ZNF521: variants seen among roughly 807,000 people sequenced by gnomAD.
ZNF521 encodes the protein zinc finger protein 521.
Under a neutral mutation model 105.5 loss-of-function variants are expected in ZNF521, and 14 were observed. The observed-to-expected ratio is 0.13, with a 90% CI of 0.09 to 0.21. ZNF521 has a LOEUF of 0.21. Ranked by LOEUF, ZNF521 falls within the 10% of genes least tolerant of loss-of-function variation. ZNF521 has a pLI of 1.00. For synonymous variants in ZNF521, 635 were observed against 606.0 expected, an observed-to-expected ratio of 1.05 and a Z score of -0.70; for missense variants, 1,233 against 1,629.7, an observed-to-expected ratio of 0.76 and a Z score of 4.19.
At chr18:25,191,569 TG>T (rs2035819258) in intron 5 of ZNF521, among the ~76,000 whole-genome samples, 1 of 152,198 alleles carries the variant, frequency 6.6e-6, no homozygotes, top group Non-Finnish European at 1.5e-5. Flanking sequence ...ACCTCCATAG[TG>T]ATCGAAATTT....
chr18:25,152,779 G>T (rs543186438), intron 5 of ZNF521, among the ~76,000 whole-genome samples: 2 of 152,238 alleles, frequency 1.3e-5, no homozygotes, highest in South Asian at 4.2e-4. Context: ...CATGAGGAAT[G>T]AATTTAATCT....
At chr18:25,177,550 T>C (rs975088604) in intron 5 of ZNF521, among the ~76,000 whole-genome samples, 3 of 137,714 alleles carry the variant, frequency 2.2e-5, no homozygotes, top group Non-Finnish European at 4.6e-5. Flanking sequence ...TTTGTGAGGA[T>C]TTTTTTTTTT....
At chr18:25,181,187 G>A (rs1039199176) in intron 5 of ZNF521, among the ~76,000 whole-genome samples, 1 of 152,160 alleles carries the variant, frequency 6.6e-6, no homozygotes, top group Non-Finnish European at 1.5e-5. Flanking sequence ...TCTAAACTGA[G>A]CCTATGGGCT....
At chr18:25,194,963 G>A (rs1466152108) in intron 5 of ZNF521, among the ~76,000 whole-genome samples, 197 bp downstream of exon 5, 2 of 151,564 alleles carry the variant, frequency 1.3e-5, no homozygotes, top group African/African-American at 4.8e-5. Flanking sequence ...CTCTGCAGAA[G>A]TCTAAACTAG....
intron 4 of ZNF521, among the ~76,000 whole-genome samples, chr18:25,205,502 T>C (rs902995505): frequency 4.6e-5 from 7 of 152,214 alleles, no homozygotes; most frequent in Non-Finnish European, 7.3e-5. Flanking sequence ...TTAAAAAGTA[T>C]TGAAACTTCT....
At chr18:25,083,858 C>A (rs1172074082) in intron 7 of ZNF521, among the ~76,000 whole-genome samples, 1 of 151,558 alleles carries the variant, frequency 6.6e-6, no homozygotes, top group African/African-American at 2.4e-5. Flanking sequence ...CAGCCTCAAC[C>A]TCCCCAGGTT....
Position 25,226,754 on chromosome 18 carries a change from T to C in ZNF521, c.1164A>G (p.Gln388=), listed in dbSNP as rs573109258. 20 of 1,614,166 alleles carry C rather than the reference T, an allele frequency of 1.2e-5. No homozygotes were observed. The Admixed American group carries it at 2.5e-4, about 20-fold the overall frequency. The change falls in exon 4 of 8, where the codon CAA becomes CAG. Residue 388 remains glutamine (Q), a synonymous_variant. Coordinates refer to ENST00000361524, the MANE Select transcript of ZNF521 (RefSeq NM_015461.3). This position sits in a 1 kb window ranked among gnomAD's most constrained non-coding sequence, Gnocchi z 4.1. Reference sequence around the variant, plus strand: ...AGGGACCAGTCATGTCAGGGGTTTGTTGAGCGGCCCTCTTCCTCCCTCGAC... The same window carrying C: ...AGGGACCAGTCATGTCAGGGGTTTGCTGAGCGGCCCTCTTCCTCCCTCGAC... ...PKSRGRKRAA[Q]QTPDMTGPSS...
At chr18:25,295,556 C>T (rs1291760633) in intron 3 of ZNF521, among the ~76,000 whole-genome samples, 5 of 150,480 alleles carry the variant, frequency 3.3e-5, no homozygotes, top group South Asian at 2.1e-4. Context: ...ATTGCATGCC[C>T]GTATCAAAAT....
At chr18:25,180,116 T>G (rs1365185561) in intron 5 of ZNF521, among the ~76,000 whole-genome samples, 1 of 152,234 alleles carries the variant, frequency 6.6e-6, no homozygotes, top group African/African-American at 2.4e-5. Context: ...AAGCCCTTTT[T>G]TGCCCATAAA....
intron 2 of ZNF521, among the ~76,000 whole-genome samples, chr18:25,347,212 A>G (rs1914500910): frequency 2.6e-5 from 4 of 152,228 alleles, no homozygotes; most frequent in Admixed American, 2.6e-4. Flanking sequence ...ACTCTCAGGA[A>G]TTGAGACAAA....
At position 25,244,470 on chromosome 18, in the gene ZNF521, T is replaced by C. The variant is rs541281763; in HGVS notation, c.221-16773A>G. On this transcript the variant is annotated intron_variant, in intron 3 of 7. Coordinates refer to ENST00000361524, the MANE Select transcript of ZNF521 (RefSeq NM_015461.3). ...AACTTCAGCTTCCCCAGTCTGCCAC[T>C]CCTCCTGTTCTAGAGGAGCCAGAAA... Among the ~76,000 whole-genome samples, 3 of 152,218 alleles carry C rather than the reference T, an allele frequency of 2.0e-5. No homozygotes were observed. In the South Asian group the frequency reaches 6.2e-4, roughly 32 times the overall value.
intron 5 of ZNF521, among the ~76,000 whole-genome samples, chr18:25,138,771 GAGAGA>G (rs2034785291): frequency 6.6e-6 from 1 of 152,200 alleles, no homozygotes; most frequent in South Asian, 2.1e-4. Flanking sequence ...AACTGAGGTT[GAGAGA>G]AGAGAACTGG....
intron 5 of ZNF521, among the ~76,000 whole-genome samples, chr18:25,187,090 A>C (rs191141310): frequency 6.6e-6 from 1 of 152,234 alleles, no homozygotes; most frequent in East Asian, 1.9e-4. Flanking sequence ...AATCTTGTAC[A>C]AGTGCTCTTT....
intron 3 of ZNF521, among the ~76,000 whole-genome samples, chr18:25,313,205 A>G (rs1912418223): frequency 6.6e-6 from 1 of 152,158 alleles, no homozygotes. Context: ...AGCCCCTTTT[A>G]TCCCATCTCA....
intron 5 of ZNF521, among the ~76,000 whole-genome samples, chr18:25,175,515 C>T (rs369102685): frequency 1.1e-4 from 16 of 152,218 alleles, no homozygotes; most frequent in South Asian, 4.2e-4. Flanking sequence ...GCTGTCATAC[C>T]GGAGGATTTA....
At chr18:25,116,501 G>T (rs2034305111) in intron 5 of ZNF521, among the ~76,000 whole-genome samples, 1 of 151,962 alleles carries the variant, frequency 6.6e-6, no homozygotes, top group African/African-American at 2.4e-5. Context: ...CATTCTCTAG[G>T]ATCACCCTAC....
chr18:25,122,777 A>AG, intron 5 of ZNF521, among the ~76,000 whole-genome samples: 1 of 152,260 alleles, frequency 6.6e-6, no homozygotes, highest in Admixed American at 6.5e-5. Flanking sequence ...AAAATTGGTA[A>AG]CTTGTAGTAT....
chr18:25,298,558 C>T (rs1185357937), intron 3 of ZNF521, among the ~76,000 whole-genome samples: 1 of 152,106 alleles, frequency 6.6e-6, no homozygotes, highest in South Asian at 2.1e-4. Flanking sequence ...GACTTTTGTT[C>T]GCCCTTAAGA....
At chr18:25,281,401 G>C (rs1350715406) in intron 3 of ZNF521, among the ~76,000 whole-genome samples, 1 of 152,154 alleles carries the variant, frequency 6.6e-6, no homozygotes, top group Non-Finnish European at 1.5e-5. Context: ...GTACAACTTT[G>C]GCCCAAATTA....
Sources: allele counts gnomAD v4.1 joint callset (sites outside exome capture counted in the v4.1 genomes callset), GRCh38; gene constraint gnomAD v4.1.1; non-coding constraint Gnocchi (gnomAD v3.1); transcripts MANE v1.5; gene names NCBI Gene and HGNC (gene_info 2026-07-23, HGNC 2026-07-21).